Variants in ZNF804B observed in about 807,000 individuals in gnomAD.
ZNF804B encodes the protein zinc finger 804B.
A neutral mutation model predicts 101.4 loss-of-function variants in ZNF804B; 80 were observed. That is an observed-to-expected ratio of 0.79 (90% CI 0.66 to 0.95). The LOEUF is 0.95. Among genes scored for constraint, ZNF804B ranks in the 40% least tolerant of loss-of-function variants. ZNF804B has a pLI of 0.00. For missense variants in ZNF804B, 1,673 were observed against 1,561.9 expected, an observed-to-expected ratio of 1.07 and a Z score of -1.20; for synonymous variants, 622 against 558.8, an observed-to-expected ratio of 1.11 and a Z score of -1.59.
chr7:88,927,476 T>A (rs4728792), intron 1 of ZNF804B, among the ~76,000 whole-genome samples: 20,039 of 152,124 alleles, frequency 0.13, 2,005 homozygotes, highest in East Asian at 0.41. Context: ...TGAGTTGTAA[T>A]TTGAGCATGC....
chr7:89,013,730 T>C (rs1325150213), intron 1 of ZNF804B, among the ~76,000 whole-genome samples: 1 of 152,154 alleles, frequency 6.6e-6, no homozygotes, highest in Non-Finnish European at 1.5e-5. Context: ...TAACTAGCTG[T>C]AATTTTGTGT....
intron 2 of ZNF804B, among the ~76,000 whole-genome samples, chr7:89,244,548 C>G (rs1430332714): frequency 6.6e-6 from 1 of 151,988 alleles, no homozygotes; most frequent in African/African-American, 2.4e-5. Context: ...AATAAAAAAG[C>G]TGTAACTCTG....
chr7:88,841,466 T>C (rs1303749421), intron 1 of ZNF804B, among the ~76,000 whole-genome samples: 3 of 152,176 alleles, frequency 2.0e-5, no homozygotes, highest in African/African-American at 7.2e-5. Flanking sequence ...TCTGTGCATA[T>C]TGTTACTCAT....
chr7:88,969,025 G>GT (rs1793496062), intron 1 of ZNF804B, among the ~76,000 whole-genome samples: 1 of 151,406 alleles, frequency 6.6e-6, no homozygotes, highest in Non-Finnish European at 1.5e-5. Context: ...TGAAAATTGG[G>GT]TTTTTATTAA....
rs112630442 is a variant in ZNF804B, at chr7:89,206,604, T to G, written c.109-11551T>G. ...CTGTCTCTACTAAAAATACAAAAAT[T>G]AGTCAGGCATGGTGGCTGGTGCCTG... On this transcript the variant is annotated intron_variant, in intron 1 of 3. Transcript: ENST00000333190. 6.2e-3 allele frequency among the ~76,000 whole-genome samples: 937 copies of G among 151,982 alleles called. 9 individuals are homozygous for G. The highest frequency in any genetic ancestry group is 0.021 in the African/African-American group (887 of 41,472).
At chr7:88,861,083 A>G (rs1383207081) in intron 1 of ZNF804B, among the ~76,000 whole-genome samples, 1 of 152,136 alleles carries the variant, frequency 6.6e-6, no homozygotes, top group Non-Finnish European at 1.5e-5. Flanking sequence ...TTTTCCTTCA[A>G]TAGATATATA....
At chr7:89,081,602 T>G (rs569372315) in intron 1 of ZNF804B, among the ~76,000 whole-genome samples, 3 of 151,808 alleles carry the variant, frequency 2.0e-5, no homozygotes, top group Non-Finnish European at 4.4e-5. Flanking sequence ...GTCATCAACA[T>G]TTAAGCAAAT....
At chr7:89,086,737 C>T (rs1397286322) in intron 1 of ZNF804B, among the ~76,000 whole-genome samples, 1 of 151,716 alleles carries the variant, frequency 6.6e-6, no homozygotes, top group African/African-American at 2.4e-5. Context: ...TATGGGATGC[C>T]TTTTCAGAGT....
rs546189868 is a variant in ZNF804B at position 89,009,676 on chromosome 7, C to T, written c.109-208479C>T. Among the ~76,000 whole-genome samples, 11 of 152,310 alleles carry T rather than the reference C, an allele frequency of 7.2e-5. No individual in the cohort carries two copies. In the South Asian group the frequency reaches 2.3e-3, roughly 32 times the overall value. ...AAGAGGCCTCAAAGAGATCCCTAATCTCTTCCACCATGTGAGGACACAGGG... is the reference window on the plus strand; with the variant it reads ...AAGAGGCCTCAAAGAGATCCCTAATTTCTTCCACCATGTGAGGACACAGGG... On this transcript the variant is annotated intron_variant, in intron 1 of 3. Transcript: ENST00000333190.
chr7:89,040,975 G>A (rs1308759002), intron 1 of ZNF804B, among the ~76,000 whole-genome samples: 1 of 152,076 alleles, frequency 6.6e-6, no homozygotes, highest in Non-Finnish European at 1.5e-5. Context: ...GGTAGGTCTG[G>A]TTATTGGGAC....
intron 2 of ZNF804B, among the ~76,000 whole-genome samples, chr7:89,268,304 A>G (rs1307934818): frequency 6.6e-6 from 1 of 152,078 alleles, no homozygotes; most frequent in Non-Finnish European, 1.5e-5. Flanking sequence ...TGTTTTTATC[A>G]TATTCAACGA....
chr7:89,025,166 G>A (rs1303290280), intron 1 of ZNF804B, among the ~76,000 whole-genome samples: 1 of 152,044 alleles, frequency 6.6e-6, no homozygotes. Flanking sequence ...CTGAGTTTGA[G>A]TTAGCAGAAC....
At chr7:89,296,331 T>C (rs1052969498) in intron 2 of ZNF804B, among the ~76,000 whole-genome samples, 1 of 152,080 alleles carries the variant, frequency 6.6e-6, no homozygotes, top group African/African-American at 2.4e-5. Context: ...TAAAATAAAA[T>C]GTTTGACCTC....
chr7:89,205,249 A>G (rs1409317577), intron 1 of ZNF804B, among the ~76,000 whole-genome samples: 1 of 152,198 alleles, frequency 6.6e-6, no homozygotes, highest in Non-Finnish European at 1.5e-5. Context: ...GGGTGGGGAC[A>G]CAGAGCCAAA....
At position 89,123,263 on chromosome 7, in the gene ZNF804B, A is replaced by G. The variant is rs185295100; in HGVS notation, c.109-94892A>G. On this transcript the variant is annotated intron_variant, in intron 1 of 3. Transcript: ENST00000333190. ...TTTGAATAACCTAGTTGTGAACTCA[A>G]GTAGGGGGCAAGAAGACAAGCAATT... is the stretch of plus-strand genomic sequence containing the variant. Among the ~76,000 whole-genome samples the G allele has an allele frequency of 7.2e-5, 11 of 152,114 alleles. No homozygotes were observed. The East Asian group carries it at 2.1e-3, about 29-fold the overall frequency.
intron 1 of ZNF804B, among the ~76,000 whole-genome samples, chr7:88,950,442 G>T (rs1793200759): frequency 6.6e-6 from 1 of 151,020 alleles, no homozygotes; most frequent in Admixed American, 6.6e-5. Context: ...TCTCATTCTT[G>T]CATTGAGAGA....
At chr7:89,129,746 A>T (rs375628221) in intron 1 of ZNF804B, among the ~76,000 whole-genome samples, 83 of 152,118 alleles carry the variant, frequency 5.5e-4, no homozygotes, top group African/African-American at 1.9e-3. Flanking sequence ...CATGGTTATT[A>T]AGCAGTCTGC....
intron 1 of ZNF804B, among the ~76,000 whole-genome samples, chr7:88,966,031 T>C (rs1793448536): frequency 6.6e-6 from 1 of 151,452 alleles, no homozygotes; most frequent in South Asian, 2.1e-4. Flanking sequence ...AATTGTCAAA[T>C]TCTATTATAT....
chr7:88,849,990 T>C (rs1428305403), intron 1 of ZNF804B, among the ~76,000 whole-genome samples: 1 of 152,060 alleles, frequency 6.6e-6, no homozygotes, highest in African/African-American at 2.4e-5. Flanking sequence ...TGAGTATAAA[T>C]ACATGAAAAG....
Sources: allele counts gnomAD v4.1 joint callset (sites outside exome capture counted in the v4.1 genomes callset), GRCh38; gene constraint gnomAD v4.1.1; transcripts MANE v1.5; gene names NCBI Gene and HGNC (gene_info 2026-07-23, HGNC 2026-07-21).